The following CARF variants were observed in gnomAD, a reference collection of about 807,000 sequenced individuals.
CARF encodes calcium responsive transcription factor.
CARF carries 57 observed loss-of-function variants against 82.0 expected under a neutral mutation model. That is an observed-to-expected ratio of 0.70 (90% CI 0.56 to 0.87). The LOEUF is 0.87. CARF is among the 40% of genes least tolerant of loss of function. CARF has a pLI of 0.00. For synonymous variants in CARF, 268 were observed against 290.1 expected, an observed-to-expected ratio of 0.92 and a Z score of 0.77; for missense variants, 771 against 855.8, an observed-to-expected ratio of 0.90 and a Z score of 1.24.
intron 8 of CARF, 82 bp from the exon 9 acceptor site, chr2:202,961,155 C>A: frequency 8.9e-7 from 1 of 1,122,840 alleles, no homozygotes. Flanking sequence ...ATGAGTCTTC[C>A]ATTTTGGACA....
chr2:202,976,544 G>A (rs1194371901), intron 13 of CARF, among the ~76,000 whole-genome samples: 1 of 152,046 alleles, frequency 6.6e-6, no homozygotes, highest in Non-Finnish European at 1.5e-5. Context: ...TGCCTACTCT[G>A]AAGAGATTAA....
At chr2:202,930,110 C>T (rs1247725832) in intron 3 of CARF, among the ~76,000 whole-genome samples, 1 of 151,816 alleles carries the variant, frequency 6.6e-6, no homozygotes, top group South Asian at 2.1e-4. Context: ...TGCAGTGGCT[C>T]GATCTCGGCT....
chr2:202,981,519 A>C, intron 14 of CARF, 36 bp from the exon 15 acceptor site: 1 of 1,390,422 alleles, frequency 7.2e-7, no homozygotes. Flanking sequence ...TAGAAGCCAT[A>C]AAAATTATTT....
Position 202,986,349 on chromosome 2 carries a change from G to C in CARF, c.*2725G>C, listed in dbSNP as rs952056357. 6.6e-6 allele frequency: 1 copy of C among 152,020 alleles called. No homozygotes were observed. Among genetic ancestry groups the C allele is most frequent in the Non-Finnish European group, 1.5e-5 (1 of 67,964 alleles). 9.4% of individuals were successfully genotyped at this position (152,020 alleles called of 1,614,324 possible). A position where few individuals can be genotyped will look rare whatever the true frequency, so the allele number is the denominator to read the frequency against. ...TAAATACAAGCTTCTAAAATTTTCAGTATCTATATTGGCTTTCTCTAACAG... is the reference window on the plus strand; with the variant it reads ...TAAATACAAGCTTCTAAAATTTTCACTATCTATATTGGCTTTCTCTAACAG... On this transcript the variant is annotated 3_prime_UTR_variant, in exon 17 of 17. Coordinates refer to ENST00000438828, the MANE Select transcript of CARF (RefSeq NM_024744.17).
intron 5 of CARF, among the ~76,000 whole-genome samples, chr2:202,951,836 C>CTTT (rs112347376): frequency 1.4e-5 from 2 of 142,390 alleles, no homozygotes; most frequent in Non-Finnish European, 1.5e-5. Flanking sequence ...ATCAAGTTAC[C>CTTT]TTTTTTTTTT....
chr2:202,967,714 C>T (rs899427385), intron 10 of CARF, among the ~76,000 whole-genome samples: 2 of 152,130 alleles, frequency 1.3e-5, no homozygotes, highest in African/African-American at 2.4e-5. Context: ...TGCACTCCTA[C>T]AAGTGTTTCA....
intron 3 of CARF, among the ~76,000 whole-genome samples, chr2:202,935,441 G>A (rs1693776744): frequency 6.6e-6 from 1 of 150,644 alleles, no homozygotes; most frequent in Non-Finnish European, 1.5e-5. Context: ...CTCTGACTTT[G>A]GTATTTATTT....
chr2:202,983,873 C>T lies in CARF; in HGVS notation c.*249C>T. Reference sequence around the variant, plus strand: ...TCTAATAAGGCCAGTATTTCAAAAGCTGTTCTGAATTTATCCACAGTAATA... The same window carrying T: ...TCTAATAAGGCCAGTATTTCAAAAGTTGTTCTGAATTTATCCACAGTAATA... On this transcript the variant is annotated 3_prime_UTR_variant, in exon 17 of 17. Coordinates refer to ENST00000438828, the MANE Select transcript of CARF (RefSeq NM_024744.17). The T allele has an allele frequency of 2.6e-6, 1 of 385,434 alleles. No individual in the cohort carries two copies. Among genetic ancestry groups the T allele is most frequent in the South Asian group, 3.8e-5 (1 of 26,598 alleles). 23.9% of individuals were successfully genotyped at this position (385,434 alleles called of 1,614,324 possible). A position where few individuals can be genotyped will look rare whatever the true frequency, so the allele number is the denominator to read the frequency against.
chr2:202,971,101 A>G (rs549835279), intron 11 of CARF, among the ~76,000 whole-genome samples: 1 of 152,284 alleles, frequency 6.6e-6, no homozygotes, highest in Non-Finnish European at 1.5e-5. Context: ...ACACAGTTCA[A>G]AAGATGATGA....
intron 13 of CARF, among the ~76,000 whole-genome samples, chr2:202,975,868 A>C (rs1450710396): frequency 2.0e-5 from 3 of 151,720 alleles, no homozygotes; most frequent in Non-Finnish European, 4.4e-5. Flanking sequence ...AACACAGTGA[A>C]ACCCCATTTC....
At chr2:202,942,107 C>A in intron 4 of CARF, 127 bp downstream of exon 4, 2 of 670,984 alleles carry the variant, frequency 3.0e-6, no homozygotes, top group Non-Finnish European at 2.6e-6. Context: ...GGCGTGGTGG[C>A]TGACACCTGT....
intron 2 of CARF, among the ~76,000 whole-genome samples, chr2:202,918,506 G>A (rs1440468611): frequency 6.6e-6 from 1 of 152,068 alleles, no homozygotes; most frequent in Admixed American, 6.5e-5. Context: ...CTCCAGTACT[G>A]GGTGATAGAG....
intron 2 of CARF, among the ~76,000 whole-genome samples, chr2:202,918,404 C>T (rs933655595): frequency 2.6e-5 from 4 of 152,038 alleles, no homozygotes; most frequent in African/African-American, 9.7e-5. Context: ...GCCTATAGTC[C>T]CAGCTACTCT....
At chr2:202,947,562 T>G (rs1370600133) in intron 5 of CARF, among the ~76,000 whole-genome samples, 1 of 152,100 alleles carries the variant, frequency 6.6e-6, no homozygotes, top group Non-Finnish European at 1.5e-5. Flanking sequence ...AGTTGATAGG[T>G]GCAGCAAACC....
At chr2:202,981,177 T>C (rs957373686) in intron 14 of CARF, among the ~76,000 whole-genome samples, 2 of 151,790 alleles carry the variant, frequency 1.3e-5, no homozygotes, top group Admixed American at 1.3e-4. Flanking sequence ...GGGTGGAGAG[T>C]TGGGGGGATG....
At chr2:202,922,338 A>T (rs1021376539) in intron 2 of CARF, among the ~76,000 whole-genome samples, 4 of 151,978 alleles carry the variant, frequency 2.6e-5, no homozygotes, top group African/African-American at 9.7e-5. Flanking sequence ...GTTGGTCTTG[A>T]ACTCCTGGAT....
At chr2:202,974,242 A>C in intron 12 of CARF, 92 bp from the exon 13 acceptor site, 9 of 887,144 alleles carry the variant, frequency 1.0e-5, no homozygotes, top group Non-Finnish European at 1.5e-5. Flanking sequence ...ACTTTATAGA[A>C]GTTTATACTG....
At chr2:202,959,746 T>C (rs1380745857) in intron 8 of CARF, among the ~76,000 whole-genome samples, 1 of 151,416 alleles carries the variant, frequency 6.6e-6, no homozygotes, top group Non-Finnish European at 1.5e-5. Context: ...GAGATGAAGG[T>C]TGCAGTGAGA....
At chr2:202,934,165 G>A (rs904624421) in intron 3 of CARF, among the ~76,000 whole-genome samples, 1 of 152,102 alleles carries the variant, frequency 6.6e-6, no homozygotes, top group Non-Finnish European at 1.5e-5. Context: ...GACAAGCTTA[G>A]TTTAAAGGCT....
Sources: gnomAD v4.1 joint callset for allele counts (sites outside exome capture counted in the v4.1 genomes callset) on GRCh38, gnomAD v4.1.1 for gene constraint, MANE v1.5 for transcripts, NCBI Gene and HGNC (gene_info 2026-07-23, HGNC 2026-07-21) for gene names.